The following PRDM11 variants were observed in gnomAD, a reference collection of about 807,000 sequenced individuals.
PRDM11 encodes PR domain-containing protein 11.
Under a neutral mutation model 97.8 loss-of-function variants are expected in PRDM11, and 20 were observed. That is an observed-to-expected ratio of 0.20 (90% CI 0.14 to 0.30). The LOEUF (loss-of-function observed/expected upper bound fraction) is 0.30. Among genes scored for constraint, PRDM11 ranks in the 10% least tolerant of loss-of-function variants. The probability of loss-of-function intolerance (pLI) is 1.00; values close to 1 mark genes in which losing one functional copy is unlikely to be tolerated. For missense variants in PRDM11, 1,139 were observed against 1,555.2 expected (o/e 0.73, Z 4.50); for synonymous variants, 599 against 637.7 (o/e 0.94, Z 0.91).
intron 1 of PRDM11, among the ~76,000 whole-genome samples, chr11:45,173,111 C>T (rs1400684589): frequency 6.6e-6 from 1 of 152,168 alleles, no homozygotes; most frequent in Non-Finnish European, 1.5e-5. Context: ...GTTCCTGATC[C>T]AGTCATTGGG....
intron 1 of PRDM11, among the ~76,000 whole-genome samples, chr11:45,140,497 T>C (rs1852982154): frequency 6.6e-6 from 1 of 152,240 alleles, no homozygotes. Context: ...TTGGAGATCA[T>C]TAAACATAAC....
intron 1 of PRDM11, among the ~76,000 whole-genome samples, chr11:45,115,580 T>C (rs1852283462): frequency 6.6e-6 from 1 of 152,000 alleles, no homozygotes; most frequent in African/African-American, 2.4e-5. Context: ...TCAATAGAAA[T>C]ATATAGTTAG....
rs117871118 is a variant in PRDM11 at position 45,153,655 on chromosome 11, G to A, written c.-7+6778G>A. ...CTGGCCACAGCCTCAGACACTCATG[G>A]TGCCCCACTGTCTTGTGTTCAAGGC... On this transcript the variant is annotated intron_variant, in intron 1 of 7. Transcript: ENST00000683152. Among the ~76,000 whole-genome samples the A allele has an allele frequency of 1.2e-3, 176 of 152,326 alleles. 2 individuals are homozygous for A. The East Asian group carries it at 0.025, about 22-fold the overall frequency.
chr11:45,217,588 G>A (rs1853994441), intron 5 of PRDM11, among the ~76,000 whole-genome samples: 1 of 152,188 alleles, frequency 6.6e-6, no homozygotes, highest in Non-Finnish European at 1.5e-5. Context: ...ATCTGCCTTG[G>A]TCTTACTCCT....
chr11:45,128,246 G>A (rs1852628972), intron 1 of PRDM11, among the ~76,000 whole-genome samples: 1 of 152,216 alleles, frequency 6.6e-6, no homozygotes, highest in African/African-American at 2.4e-5. Context: ...GGTGCTGTCT[G>A]TCACCCCTTT....
intron 1 of PRDM11, among the ~76,000 whole-genome samples, chr11:45,115,251 AC>A (rs1342378174): frequency 2.6e-5 from 4 of 152,052 alleles, no homozygotes; most frequent in African/African-American, 7.2e-5. Context: ...TAAGGTAAGG[AC>A]TCATATTAAA....
intron 1 of PRDM11, among the ~76,000 whole-genome samples, chr11:45,121,109 G>A (rs534784029): frequency 6.6e-6 from 1 of 152,226 alleles, no homozygotes; most frequent in East Asian, 1.9e-4. Flanking sequence ...ATTAAAAAAC[G>A]AAGAATAGAT....
intron 1 of PRDM11, among the ~76,000 whole-genome samples, chr11:45,124,545 C>T (rs184141782): frequency 2.0e-5 from 3 of 152,096 alleles, no homozygotes; most frequent in South Asian, 2.1e-4. Context: ...GTTTTTAGCA[C>T]GAAGGGTTGT....
rs368409992 is a variant in PRDM11 at position 45,208,372 on chromosome 11, C to T, written c.554+3594C>T. 1.1e-4 allele frequency among the ~76,000 whole-genome samples: 17 copies of T among 152,210 alleles called. 1 individual carries two copies. The highest frequency in any genetic ancestry group is 4.1e-4 in the African/African-American group (17 of 41,482). On this transcript the variant is annotated intron_variant, in intron 5 of 7. Transcript: ENST00000683152. The stretch of plus-strand genomic sequence containing the variant: ...CCAGTGTAAATAGTTTCCCTGGTTA[C>T]GTATTCTTCCGAGCCATTCATTCAG...
intron 1 of PRDM11, among the ~76,000 whole-genome samples, chr11:45,158,973 C>T (rs978789437): frequency 2.0e-5 from 3 of 152,206 alleles, no homozygotes; most frequent in Non-Finnish European, 2.9e-5. Context: ...GTGCTCCGCC[C>T]TCCCTCTCCT....
At chr11:45,204,094 GT>G (rs1215525161) in intron 4 of PRDM11, among the ~76,000 whole-genome samples, 1 of 152,250 alleles carries the variant, frequency 6.6e-6, no homozygotes, top group African/African-American at 2.4e-5. Flanking sequence ...GCCGATGGCA[GT>G]CTTTTTAGCA....
intron 1 of PRDM11, among the ~76,000 whole-genome samples, chr11:45,119,779 C>A: frequency 6.6e-6 from 1 of 152,022 alleles, no homozygotes; most frequent in East Asian, 1.9e-4. Flanking sequence ...AAGACTAAAC[C>A]CTAATTACTG....
intron 1 of PRDM11, among the ~76,000 whole-genome samples, chr11:45,152,964 C>T (rs192439036): frequency 7.0e-4 from 107 of 152,278 alleles, no homozygotes; most frequent in African/African-American, 2.5e-3. Flanking sequence ...ATCCATGTTC[C>T]GAAAAACAGC....
chr11:45,205,244 T>C (rs972658310), intron 5 of PRDM11, among the ~76,000 whole-genome samples: 5 of 152,180 alleles, frequency 3.3e-5, no homozygotes, highest in Admixed American at 2.0e-4. Context: ...CTGCCTATGT[T>C]TGAGTACTTT....
At chr11:45,225,180 G>A in intron 7 of PRDM11, 1 of 1,264,612 alleles carries the variant, frequency 7.9e-7, no homozygotes, top group Non-Finnish European at 1.0e-6. Flanking sequence ...GTCTTTCTCT[G>A]TCCCCAGTCT....
At position 45,234,481 on chromosome 11, in the gene PRDM11, CA is replaced by C. The variant is rs1421555056; in HGVS notation, c.*6324del. On this transcript the variant is annotated 3_prime_UTR_variant, in exon 8 of 8. Coordinates refer to ENST00000683152, the MANE Select transcript of PRDM11 (RefSeq NM_001384648.1). ...ACCTCCTTGAGCCACAGTTAGCTGC[CA>C]ACTGGGTCTTGGGACACCCTCCAGT... is the stretch of plus-strand genomic sequence containing the variant. 7 of 152,524 alleles carry C rather than the reference CA, an allele frequency of 4.6e-5. No individual in the cohort carries two copies. The highest frequency in any genetic ancestry group is 1.7e-4 in the African/African-American group (7 of 41,424). The allele number at this position is 152,524 out of a possible 1,614,324, so 9.4% of individuals were successfully genotyped here.
At chr11:45,136,829 G>T (rs1337934395) in intron 1 of PRDM11, among the ~76,000 whole-genome samples, 2 of 152,012 alleles carry the variant, frequency 1.3e-5, no homozygotes, top group Non-Finnish European at 2.9e-5. Flanking sequence ...CACTGAGGAG[G>T]GTGGGAAACT....
At chr11:45,194,313 G>C (rs1853022887) in intron 4 of PRDM11, among the ~76,000 whole-genome samples, 1 of 152,126 alleles carries the variant, frequency 6.6e-6, no homozygotes, top group Non-Finnish European at 1.5e-5. Context: ...AAAGACCCTA[G>C]TTTGAGAGAC....
At chr11:45,134,701 G>GAAAAAAAAAAAAAAAAAAAAAAAAA (rs1191008824) in intron 1 of PRDM11, among the ~76,000 whole-genome samples, 4 of 44,262 alleles carry the variant, frequency 9.0e-5, no homozygotes, top group African/African-American at 2.1e-4. Context: ...CCTGTCTCAC[G>GAAAAAAAAAAAAAAAAAAAAAAAAA]AAAAAAAAAA....
Sources: gnomAD v4.1 joint callset for allele counts (sites outside exome capture counted in the v4.1 genomes callset) on GRCh38, gnomAD v4.1.1 for gene constraint, MANE v1.5 for transcripts, NCBI Gene and HGNC (gene_info 2026-07-23, HGNC 2026-07-21) for gene names.